IQCH: variants seen among roughly 807,000 people sequenced by gnomAD.
The protein encoded by IQCH is IQ motif containing H, also known as IQ domain-containing protein H.
IQCH carries 98 observed loss-of-function variants against 117.0 expected under a neutral mutation model. The ratio of observed to expected loss-of-function variants is 0.84; its 90% CI spans 0.71 to 0.99. The LOEUF (loss-of-function observed/expected upper bound fraction) is 0.99. Ranked by LOEUF, IQCH falls within the 50% of genes least tolerant of loss-of-function variation. The pLI is 0.00. For missense variants in IQCH, 1,102 were observed against 1,243.8 expected (o/e 0.89, Z 1.72); for synonymous variants, 412 against 448.2 (o/e 0.92, Z 1.02).
chr15:67,494,159 TA>T lies in IQCH; in HGVS notation c.2862-96del. The T allele has an allele frequency of 1.3e-6, 1 of 755,694 alleles. No homozygotes were observed. The highest frequency in any genetic ancestry group is 1.8e-5 in the African/African-American group (1 of 56,302). The allele number at this position is 755,694 out of a possible 1,614,324, so 46.8% of individuals were successfully genotyped here. ...ACCTTGTGAGATTGAAAATACTCAT[TA>T]AATTCCATCACCAGACAGGCACAAA... On this transcript the variant is annotated intron_variant, in intron 19 of 20. Transcript: ENST00000335894. This position sits in a 1 kb window ranked among gnomAD's most constrained non-coding sequence, Gnocchi z 5.5.
intron 14 of IQCH, among the ~76,000 whole-genome samples, chr15:67,400,809 T>G (rs1024295291): frequency 1.3e-5 from 2 of 152,084 alleles, no homozygotes; most frequent in African/African-American, 4.8e-5. Context: ...TTTTCAGTGT[T>G]TCTTCTCTGG....
intron 18 of IQCH, among the ~76,000 whole-genome samples, chr15:67,478,794 G>C (rs990583168): frequency 6.6e-6 from 1 of 151,844 alleles, no homozygotes; most frequent in East Asian, 1.9e-4. Flanking sequence ...TGTGTTGGCA[G>C]GCGCCTGTAA....
At chr15:67,296,418 A>G (rs899415948) in intron 4 of IQCH, among the ~76,000 whole-genome samples, 3 of 152,158 alleles carry the variant, frequency 2.0e-5, no homozygotes, top group Non-Finnish European at 4.4e-5. Context: ...TTAGGAAGGA[A>G]TGGCAGGAGG....
chr15:67,319,272 C>T lies in IQCH; in HGVS notation c.388-17703C>T, dbSNP rs1019351262. 2.0e-5 allele frequency among the ~76,000 whole-genome samples: 3 copies of T among 152,148 alleles called. No individual in the cohort carries two copies. The South Asian group carries it at 6.2e-4, about 32-fold the overall frequency. On this transcript the variant is annotated intron_variant, in intron 4 of 20. Coordinates refer to ENST00000335894, the MANE Select transcript of IQCH (RefSeq NM_001031715.3). Reference sequence around the variant, plus strand: ...AAAGAAATCCTTAACATCATAACCTCATATAATATTGACAATCCTCATTAC... The same window carrying T: ...AAAGAAATCCTTAACATCATAACCTTATATAATATTGACAATCCTCATTAC...
chr15:67,307,063 A>G, intron 4 of IQCH: 2 of 1,279,506 alleles, frequency 1.6e-6, no homozygotes, highest in Non-Finnish European at 2.0e-6. Context: ...GCCAAACCAA[A>G]CATTGCTTTG....
rs2140926622 is a variant in IQCH, at chr15:67,424,275, A to C, written c.2505+2698A>C. On this transcript the variant is annotated intron_variant, in intron 16 of 20. Coordinates refer to ENST00000335894, the MANE Select transcript of IQCH (RefSeq NM_001031715.3). This position sits in a 1 kb window ranked among gnomAD's most constrained non-coding sequence, Gnocchi z 4.9. The stretch of plus-strand genomic sequence containing the variant: ...ATGCTCTTGCCTTTTCTTTTGACCT[A>C]GTTAGCCCCTTTTCCAGCCATCACA... 6.6e-6 allele frequency among the ~76,000 whole-genome samples: 1 copy of C among 152,250 alleles called. No individual in the cohort carries two copies. The highest frequency in any genetic ancestry group is 2.4e-5 in the African/African-American group (1 of 41,550).
At chr15:67,319,376 C>T (rs556717593) in intron 4 of IQCH, among the ~76,000 whole-genome samples, 107 of 152,330 alleles carry the variant, frequency 7.0e-4, no homozygotes, top group African/African-American at 2.4e-3. Flanking sequence ...GGGCAAATCA[C>T]TTATATTTCA....
At chr15:67,326,536 C>T (rs541245340) in intron 4 of IQCH, among the ~76,000 whole-genome samples, 1 of 152,144 alleles carries the variant, frequency 6.6e-6, no homozygotes, top group African/African-American at 2.4e-5. Flanking sequence ...CTTCAGGAGT[C>T]GCCACACTGT....
rs560550676 is a variant in IQCH, at chr15:67,479,116, T to C, written c.2799+3298T>C. On this transcript the variant is annotated intron_variant, in intron 18 of 20. Coordinates refer to ENST00000335894, the MANE Select transcript of IQCH (RefSeq NM_001031715.3). This position sits in a 1 kb window ranked among gnomAD's most constrained non-coding sequence, Gnocchi z 4.6. The stretch of plus-strand genomic sequence containing the variant: ...CTCTTCACTTGCTGTCTTAATTGCC[T>C]TTTCTTGGATGGGAGGTTGGTAAGT... Among the ~76,000 whole-genome samples, 4 of 152,214 alleles carry C rather than the reference T, an allele frequency of 2.6e-5. No homozygotes were observed. Among genetic ancestry groups the C allele is most frequent in the South Asian group, 4.2e-4 (2 of 4,816 alleles).
At chr15:67,346,314 C>A (rs959152438) in intron 6 of IQCH, among the ~76,000 whole-genome samples, 1 of 151,460 alleles carries the variant, frequency 6.6e-6, no homozygotes, top group South Asian at 2.1e-4. Flanking sequence ...ACTAGTAACC[C>A]CCCCCCAAAA....
intron 16 of IQCH, among the ~76,000 whole-genome samples, chr15:67,460,509 G>C (rs1267014275): frequency 1.3e-5 from 2 of 152,188 alleles, no homozygotes; most frequent in African/African-American, 4.8e-5. Flanking sequence ...ATGTGTCATA[G>C]TCTTTTTAGC....
chr15:67,296,230 C>T (rs935931417), intron 4 of IQCH, among the ~76,000 whole-genome samples: 1 of 152,082 alleles, frequency 6.6e-6, no homozygotes, highest in Non-Finnish European at 1.5e-5. Flanking sequence ...GAGGAGACCT[C>T]CCAGAGTAAT....
chr15:67,438,360 G>T (rs112017206), intron 16 of IQCH, among the ~76,000 whole-genome samples: 1 of 152,126 alleles, frequency 6.6e-6, no homozygotes, highest in Non-Finnish European at 1.5e-5. Flanking sequence ...GAGAGAATTC[G>T]CCATTACCAC....
chr15:67,358,207 C>CTCTTTTTTTTTTTTT (rs768931234), intron 7 of IQCH, among the ~76,000 whole-genome samples: 10 of 10,450 alleles, frequency 9.6e-4, no homozygotes, highest in Non-Finnish European at 1.4e-3. Flanking sequence ...ACTTTCTTTT[C>CTCTTTTTTTTTTTTT]TTTTTTTTTT....
At chr15:67,478,481 T>A (rs918364423) in intron 18 of IQCH, among the ~76,000 whole-genome samples, 1 of 149,932 alleles carries the variant, frequency 6.7e-6, no homozygotes, top group Non-Finnish European at 1.5e-5. Flanking sequence ...TAAAAAAAGA[T>A]GAAAGATAAA....
chr15:67,338,201 G>GTCTA (rs1403565733), intron 5 of IQCH, among the ~76,000 whole-genome samples: 7 of 90,024 alleles, frequency 7.8e-5, no homozygotes, highest in South Asian at 3.3e-4. Flanking sequence ...CGATATATCT[G>GTCTA]TCTGTCTATC....
chr15:67,279,570 G>A (rs1966266659), intron 4 of IQCH, 58 bp downstream of exon 4: 1 of 949,088 alleles, frequency 1.1e-6, no homozygotes. Context: ...CAGGGGCTGG[G>A]AGGAGCAGAG....
At chr15:67,264,087 G>C (rs138214992) in intron 3 of IQCH, among the ~76,000 whole-genome samples, 1 of 152,308 alleles carries the variant, frequency 6.6e-6, no homozygotes, top group African/African-American at 2.4e-5. Flanking sequence ...AGGGAGCAGA[G>C]CTTTGGGTGT....
At chr15:67,275,639 A>T (rs1049404897) in intron 3 of IQCH, among the ~76,000 whole-genome samples, 16 of 152,112 alleles carry the variant, frequency 1.1e-4, no homozygotes, top group South Asian at 4.2e-4. Context: ...GCACTTTGGG[A>T]GGCTGAGATG....
Sources: allele counts gnomAD v4.1 joint callset (sites outside exome capture counted in the v4.1 genomes callset), GRCh38; gene constraint gnomAD v4.1.1; non-coding constraint Gnocchi (gnomAD v3.1); transcripts MANE v1.5; gene names NCBI Gene and HGNC (gene_info 2026-07-23, HGNC 2026-07-21).